The following COMMD10 variants were observed in gnomAD, a reference collection of about 807,000 sequenced individuals.
The protein encoded by COMMD10 is COMM domain-containing protein 10.
In COMMD10, 33 loss-of-function variants were observed where a neutral mutation model predicts 28.9. The observed-to-expected ratio is 1.14, with a 90% CI of 0.87 to 1.53. The LOEUF is 1.53. Ranked by LOEUF, COMMD10 falls within the 40% of genes most tolerant of loss-of-function variation. The probability of loss-of-function intolerance (pLI) is 0.00; values close to 1 mark genes in which losing one functional copy is unlikely to be tolerated. For synonymous variants in COMMD10, 110 were observed against 81.7 expected (o/e 1.35, Z -1.87); for missense variants, 310 against 233.4 (o/e 1.33, Z -2.14).
chr5:116,265,543 C>T (rs766779231), intron 5 of COMMD10, among the ~76,000 whole-genome samples: 3 of 151,536 alleles, frequency 2.0e-5, no homozygotes, highest in Admixed American at 6.6e-5. Context: ...ATTTTCCATA[C>T]GGCTTTATTT....
chr5:116,278,338 A>C (rs1259484550), intron 5 of COMMD10, among the ~76,000 whole-genome samples: 1 of 151,816 alleles, frequency 6.6e-6, no homozygotes, highest in Non-Finnish European at 1.5e-5. Context: ...TCAGTACCAA[A>C]GCTGAAAAAT....
chr5:116,258,910 TC>T (rs1750362741), intron 5 of COMMD10, among the ~76,000 whole-genome samples: 2 of 151,646 alleles, frequency 1.3e-5, no homozygotes, highest in Non-Finnish European at 2.9e-5. Context: ...TCTACTCAGT[TC>T]CGTTTTATTC....
chr5:116,184,452 A>C (rs4403214), intron 5 of COMMD10, among the ~76,000 whole-genome samples: 8,010 of 151,098 alleles, frequency 0.053, 297 homozygotes, highest in African/African-American at 0.11. Context: ...GACTTTTGTT[A>C]CTTCTTTATA....
intron 4 of COMMD10, among the ~76,000 whole-genome samples, chr5:116,118,116 A>G (rs1751303092): frequency 6.6e-6 from 1 of 152,156 alleles, no homozygotes; most frequent in African/African-American, 2.4e-5. Flanking sequence ...TCTTTACTTC[A>G]AAAGTTCTGC....
chr5:116,161,205 A>T (rs926920716), intron 5 of COMMD10, among the ~76,000 whole-genome samples: 1 of 152,176 alleles, frequency 6.6e-6, no homozygotes, highest in Non-Finnish European at 1.5e-5. Context: ...CTTTGGATTC[A>T]GCAAACCTGG....
chr5:116,169,768 G>A (rs1028929341), intron 5 of COMMD10, among the ~76,000 whole-genome samples: 1 of 152,050 alleles, frequency 6.6e-6, no homozygotes, highest in Non-Finnish European at 1.5e-5. Flanking sequence ...TGTAGAAAAG[G>A]CCTTCGATAA....
At chr5:116,125,906 T>C (rs1751614714) in intron 4 of COMMD10, among the ~76,000 whole-genome samples, 1 of 152,064 alleles carries the variant, frequency 6.6e-6, no homozygotes, top group Non-Finnish European at 1.5e-5. Flanking sequence ...CTGTTCAGCA[T>C]AGTGTTGGAA....
rs375967759 is a variant in COMMD10 at position 116,095,960 on chromosome 5, T to A, written c.399+3260T>A. 1.2e-3 allele frequency among the ~76,000 whole-genome samples: 188 copies of A among 152,286 alleles called. 2 individuals are homozygous for A. The Middle Eastern group carries it at 0.014, about 11-fold the overall frequency. On this transcript the variant is annotated intron_variant, in intron 4 of 6. Coordinates refer to ENST00000274458, the MANE Select transcript of COMMD10 (RefSeq NM_016144.4). ...CTTTTTCTGGAATCTCTCTTTGATTTCATTGACTTATTTGTCTATGCCAAT... is the reference window on the plus strand; with the variant it reads ...CTTTTTCTGGAATCTCTCTTTGATTACATTGACTTATTTGTCTATGCCAAT...
chr5:116,146,353 C>A (rs1752349951), intron 5 of COMMD10, among the ~76,000 whole-genome samples: 1 of 151,806 alleles, frequency 6.6e-6, no homozygotes, highest in South Asian at 2.1e-4. Context: ...CCCAGTGATA[C>A]TATATCCAGA....
At chr5:116,264,824 C>T (rs1386019581) in intron 5 of COMMD10, among the ~76,000 whole-genome samples, 1 of 151,692 alleles carries the variant, frequency 6.6e-6, no homozygotes, top group Non-Finnish European at 1.5e-5. Context: ...GTTCTTTTAG[C>T]CTAAGACATT....
intron 5 of COMMD10, among the ~76,000 whole-genome samples, chr5:116,258,871 T>G (rs972652226): frequency 6.6e-6 from 1 of 151,526 alleles, no homozygotes; most frequent in African/African-American, 2.4e-5. Flanking sequence ...TAAGGGAAAT[T>G]TTCTTCTTTC....
At chr5:116,192,252 C>T (rs964066553) in intron 5 of COMMD10, among the ~76,000 whole-genome samples, 1 of 84,886 alleles carries the variant, frequency 1.2e-5, no homozygotes, top group Non-Finnish European at 2.1e-5. Context: ...CAAAAGAAGG[C>T]TCTTTAACAA....
chr5:116,203,950 T>A (rs1748743538), intron 5 of COMMD10, among the ~76,000 whole-genome samples: 1 of 152,120 alleles, frequency 6.6e-6, no homozygotes, highest in Admixed American at 6.6e-5. Context: ...GCTGGCAAAT[T>A]GGATAAAGAG....
intron 5 of COMMD10, among the ~76,000 whole-genome samples, chr5:116,146,053 G>T (rs190858684): frequency 6.6e-6 from 1 of 152,024 alleles, no homozygotes; most frequent in African/African-American, 2.4e-5. Flanking sequence ...GGATCACTCA[G>T]TGACTTTTAA....
chr5:116,104,394 A>G (rs1158552278), intron 4 of COMMD10, among the ~76,000 whole-genome samples: 4 of 152,134 alleles, frequency 2.6e-5, no homozygotes, highest in South Asian at 2.1e-4. Flanking sequence ...TAGGTATTGT[A>G]TCCTTTTTGT....
chr5:116,288,966 C>T (rs1434173151), intron 5 of COMMD10, among the ~76,000 whole-genome samples: 1 of 145,026 alleles, frequency 6.9e-6, no homozygotes, highest in African/African-American at 2.5e-5. Context: ...ACTGCAACCT[C>T]TGCCTCCTGG....
At chr5:116,140,964 G>A (rs932029613) in intron 5 of COMMD10, among the ~76,000 whole-genome samples, 2 of 151,566 alleles carry the variant, frequency 1.3e-5, no homozygotes, top group Non-Finnish European at 2.9e-5. Flanking sequence ...TTTTGCTTTT[G>A]TTCCTCAAGC....
At chr5:116,119,003 G>A (rs1479794673) in intron 4 of COMMD10, among the ~76,000 whole-genome samples, 1 of 152,206 alleles carries the variant, frequency 6.6e-6, no homozygotes, top group South Asian at 2.1e-4. Context: ...TAGAGTTGAT[G>A]TACTTTTTCA....
chr5:116,231,233 G>A (rs2112654489), intron 5 of COMMD10, among the ~76,000 whole-genome samples: 1 of 152,200 alleles, frequency 6.6e-6, no homozygotes, highest in East Asian at 1.9e-4. Context: ...CATTAATCCA[G>A]GGATATCTTG....
Sources: allele counts gnomAD v4.1 joint callset (sites outside exome capture counted in the v4.1 genomes callset), GRCh38; gene constraint gnomAD v4.1.1; transcripts MANE v1.5; gene names NCBI Gene and HGNC (gene_info 2026-07-23, HGNC 2026-07-21).